CDKAL1: variants seen among roughly 807,000 people sequenced by gnomAD.
The protein encoded by CDKAL1 is threonylcarbamoyladenosine tRNA methylthiotransferase.
Under a neutral mutation model 68.2 loss-of-function variants are expected in CDKAL1, and 32 were observed. The observed-to-expected ratio is 0.47, with a 90% CI of 0.35 to 0.63. CDKAL1 has a LOEUF of 0.63. CDKAL1 is among the 30% of genes least tolerant of loss of function. The pLI is 0.00. For synonymous variants in CDKAL1, 234 were observed against 244.3 expected, an observed-to-expected ratio of 0.96 and a Z score of 0.39; for missense variants, 606 against 696.7, an observed-to-expected ratio of 0.87 and a Z score of 1.47.
In CDKAL1 at chr6:21,122,924, G is replaced by A. The variant is rs996497937; in HGVS notation, c.1299+14461G>A. 2.0e-4 allele frequency among the ~76,000 whole-genome samples: 31 copies of A among 151,292 alleles called. 1 individual carries two copies. Among genetic ancestry groups the A allele is most frequent in the Admixed American group, 1.8e-3 (27 of 15,122 alleles). On this transcript the variant is annotated intron_variant, in intron 13 of 15. Transcript: ENST00000274695. ...CCCTTCAAAATAAAAAGGATTACAGGCATGAGCCACCTCTCCCAGCTGGAT... is the reference window on the plus strand; with the variant it reads ...CCCTTCAAAATAAAAAGGATTACAGACATGAGCCACCTCTCCCAGCTGGAT...
chr6:20,652,602 GC>G (rs766518895), intron 5 of CDKAL1, among the ~76,000 whole-genome samples: 1 of 151,850 alleles, frequency 6.6e-6, no homozygotes, highest in Non-Finnish European at 1.5e-5. Context: ...GGTCTAATCG[GC>G]CCCCTGTGCC....
chr6:21,080,875 C>T (rs993905630), intron 12 of CDKAL1, among the ~76,000 whole-genome samples: 8 of 152,168 alleles, frequency 5.3e-5, no homozygotes, highest in African/African-American at 1.9e-4. Context: ...ACTAAAAGCT[C>T]TTTCATGTGA....
chr6:20,902,317 A>G (rs186382470), intron 9 of CDKAL1, among the ~76,000 whole-genome samples: 2 of 2,596 alleles, frequency 7.7e-4, no homozygotes, highest in African/African-American at 1.5e-3. Context: ...GGATTCACAC[A>G]CACACACACA....
chr6:21,092,734 T>TAA (rs34756370), intron 12 of CDKAL1, among the ~76,000 whole-genome samples: 33,910 of 133,110 alleles, frequency 0.25, 4,089 homozygotes, highest in South Asian at 0.34. Context: ...GACGAAAACT[T>TAA]AAAAAAAAAA....
chr6:20,712,688 A>G (rs982740093), intron 5 of CDKAL1, among the ~76,000 whole-genome samples: 35 of 151,968 alleles, frequency 2.3e-4, no homozygotes, highest in African/African-American at 7.5e-4. Flanking sequence ...TCTGTCGCCC[A>G]TGCTGGAGCG....
chr6:20,883,483 G>A (rs1760921754), intron 9 of CDKAL1, among the ~76,000 whole-genome samples: 1 of 152,182 alleles, frequency 6.6e-6, no homozygotes. Context: ...GTATTGTATA[G>A]CCACTCATGG....
intron 8 of CDKAL1, among the ~76,000 whole-genome samples, chr6:20,810,383 C>T (rs567855684): frequency 3.9e-3 from 553 of 140,454 alleles, no homozygotes; most frequent in Non-Finnish European, 6.6e-3. Flanking sequence ...CTCTCTCTCT[C>T]TCTCTCTGTC....
At chr6:20,633,674 A>G (rs1032829879) in intron 4 of CDKAL1, among the ~76,000 whole-genome samples, 2 of 152,190 alleles carry the variant, frequency 1.3e-5, no homozygotes, top group African/African-American at 4.8e-5. Flanking sequence ...GTTCCAGTTC[A>G]CGTCCTTGCC....
At chr6:20,766,525 A>C (rs148939101) in intron 7 of CDKAL1, among the ~76,000 whole-genome samples, 2 of 152,272 alleles carry the variant, frequency 1.3e-5, no homozygotes, top group African/African-American at 4.8e-5. Context: ...TCTTTGTTTA[A>C]CTATTAACGA....
At chr6:20,709,092 G>A (rs144522271) in intron 5 of CDKAL1, among the ~76,000 whole-genome samples, 91 of 151,960 alleles carry the variant, frequency 6.0e-4, no homozygotes, top group African/African-American at 2.1e-3. Flanking sequence ...TATCCCCAGA[G>A]CCTGGAAGTG....
chr6:21,104,260 T>C (rs901439912), intron 12 of CDKAL1, among the ~76,000 whole-genome samples: 6 of 152,340 alleles, frequency 3.9e-5, no homozygotes, highest in African/African-American at 1.4e-4. Flanking sequence ...CTAATTGTTA[T>C]TATGCTTGGT....
At chr6:20,599,306 G>A in intron 4 of CDKAL1, 1 of 445,848 alleles carries the variant, frequency 2.2e-6, no homozygotes. Context: ...AACTTGTAAA[G>A]AATAAAGTTG....
At chr6:20,609,265 C>CT (rs1766480061) in intron 4 of CDKAL1, among the ~76,000 whole-genome samples, 1 of 59,866 alleles carries the variant, frequency 1.7e-5, no homozygotes, top group African/African-American at 8.4e-5. Context: ...TCCTTCCTTC[C>CT]TCCTCCTTCT....
intron 5 of CDKAL1, among the ~76,000 whole-genome samples, chr6:20,666,881 C>T (rs1348765618): frequency 6.6e-6 from 1 of 152,130 alleles, no homozygotes; most frequent in Non-Finnish European, 1.5e-5. Context: ...ACCACTGGAA[C>T]AGCATGTACC....
intron 15 of CDKAL1, among the ~76,000 whole-genome samples, chr6:21,204,298 C>T (rs1278913362): frequency 6.6e-6 from 1 of 152,174 alleles, no homozygotes; most frequent in East Asian, 1.9e-4. Context: ...CCACCCTTAG[C>T]AGTCATCAGA....
In CDKAL1 at chr6:21,231,238, A is replaced by T; in HGVS notation, c.*199A>T. Reference sequence around the variant, plus strand: ...CATTGGTTATTTGACCTAAAACCTAATCACCGCTACCATAGCACATCCTTC... The same window carrying T: ...CATTGGTTATTTGACCTAAAACCTATTCACCGCTACCATAGCACATCCTTC... On this transcript the variant is annotated 3_prime_UTR_variant, in exon 16 of 16. Coordinates refer to ENST00000274695, the MANE Select transcript of CDKAL1 (RefSeq NM_017774.3). 2.3e-6 allele frequency: 1 copy of T among 441,258 alleles called. No individual in the cohort carries two copies. Among genetic ancestry groups the T allele is most frequent in the Non-Finnish European group, 4.0e-6 (1 of 248,732 alleles). The allele number at this position is 441,258 out of a possible 1,614,324, so 27.3% of individuals were successfully genotyped here.
intron 13 of CDKAL1, among the ~76,000 whole-genome samples, chr6:21,156,854 A>G (rs1277112763): frequency 6.6e-6 from 1 of 152,178 alleles, no homozygotes; most frequent in Non-Finnish European, 1.5e-5. Context: ...TCCTTCTAAG[A>G]GTATCAAACT....
chr6:21,201,142 G>T lies in CDKAL1; in HGVS notation c.1416G>T (p.Gly472=), dbSNP rs1456369688. Residue 472 remains glycine (G), a synonymous_variant, in exon 15 of 16, where the codon GGG becomes GGT. Transcript: ENST00000274695. ...TGCCAAAGAACCCTGCGTTCATGGG[G>T]AAGATGGTTGAAGTGGACATCTATG... The part of the protein sequence containing the change: ...VLVPKNPAFM[G]KMVEVDIYES... The T allele has an allele frequency of 4.3e-6, 7 of 1,613,370 alleles. No individual in the cohort carries two copies. Among genetic ancestry groups the T allele is most frequent in the Non-Finnish European group, 5.9e-6 (7 of 1,179,530 alleles).
chr6:21,155,834 T>C (rs925424705), intron 13 of CDKAL1, among the ~76,000 whole-genome samples: 3 of 152,130 alleles, frequency 2.0e-5, no homozygotes, highest in African/African-American at 7.2e-5. Context: ...GAATATATTA[T>C]AAAGGGACAG....
Sources: gnomAD v4.1 joint callset for allele counts (sites outside exome capture counted in the v4.1 genomes callset) on GRCh38, gnomAD v4.1.1 for gene constraint, MANE v1.5 for transcripts, NCBI Gene and HGNC (gene_info 2026-07-23, HGNC 2026-07-21) for gene names.